Variants in MBNL1 observed in about 807,000 individuals in gnomAD.
MBNL1 encodes muscleblind-like protein 1.
In MBNL1, 8 loss-of-function variants were observed where a neutral mutation model predicts 42.2. The ratio of observed to expected loss-of-function variants is 0.19; its 90% CI spans 0.11 to 0.34. The LOEUF is 0.34. Ranked by LOEUF, MBNL1 falls within the 10% of genes least tolerant of loss-of-function variation. The pLI is 1.00. For synonymous variants in MBNL1, 169 were observed against 173.9 expected, an observed-to-expected ratio of 0.97 and a Z score of 0.22; for missense variants, 309 against 495.3, an observed-to-expected ratio of 0.62 and a Z score of 3.57.
chr3:152,248,575 A>G, intron 2 of MBNL1, among the ~76,000 whole-genome samples: 1 of 151,914 alleles, frequency 6.6e-6, no homozygotes, highest in East Asian at 1.9e-4. Context: ...GAATTTTCCA[A>G]GAATAGAGAT....
At chr3:152,460,754 T>A (rs1304359345) in intron 9 of MBNL1, among the ~76,000 whole-genome samples, 2 of 152,222 alleles carry the variant, frequency 1.3e-5, no homozygotes, top group Non-Finnish European at 2.9e-5. Flanking sequence ...TTTTTATATT[T>A]AGAAAGAGAC....
intron 2 of MBNL1, among the ~76,000 whole-genome samples, chr3:152,259,528 T>C (rs2035927328): frequency 6.6e-6 from 1 of 152,270 alleles, no homozygotes; most frequent in Non-Finnish European, 1.5e-5. Context: ...CGACATGCTG[T>C]ACTTCTTGAA....
At chr3:152,426,523 A>T (rs1233713929) in intron 3 of MBNL1, among the ~76,000 whole-genome samples, 1 of 152,186 alleles carries the variant, frequency 6.6e-6, no homozygotes, top group Non-Finnish European at 1.5e-5. Flanking sequence ...CCTCTGGTAG[A>T]TTTCTTTAGT....
intron 1 of MBNL1, among the ~76,000 whole-genome samples, chr3:152,284,155 T>C (rs1033569135): frequency 3.3e-5 from 5 of 152,162 alleles, no homozygotes; most frequent in Admixed American, 6.5e-5. Flanking sequence ...TTAATGAATA[T>C]ATTCATTTAA....
chr3:152,428,663 G>A (rs1425720252), intron 3 of MBNL1, among the ~76,000 whole-genome samples: 1 of 152,210 alleles, frequency 6.6e-6, no homozygotes, highest in African/African-American at 2.4e-5. Context: ...CACATAGTGT[G>A]TGGAACTAGA....
At chr3:152,310,711 T>A (rs2065866140) in intron 2 of MBNL1, among the ~76,000 whole-genome samples, 1 of 152,162 alleles carries the variant, frequency 6.6e-6, no homozygotes, top group Admixed American at 6.5e-5. Flanking sequence ...TATATTAAAA[T>A]TTTAACTAAT....
intron 2 of MBNL1, among the ~76,000 whole-genome samples, chr3:152,258,179 A>C (rs1401298903): frequency 6.6e-6 from 1 of 152,160 alleles, no homozygotes; most frequent in Non-Finnish European, 1.5e-5. Context: ...GCTTAACAAG[A>C]GCTTATTTTT....
At chr3:152,340,564 A>G (rs778163219) in intron 2 of MBNL1, 18 of 1,613,290 alleles carry the variant, frequency 1.1e-5, no homozygotes, top group Non-Finnish European at 1.4e-5. Flanking sequence ...CATAGCTACA[A>G]CTGACAGGAT....
chr3:152,458,922 GGAT>G (rs1739346620), intron 8 of MBNL1: 1 of 175,192 alleles, frequency 5.7e-6, no homozygotes, highest in African/African-American at 2.4e-5. Context: ...TCTGATTTCT[GGAT>G]GATTACTAAG....
intron 2 of MBNL1, among the ~76,000 whole-genome samples, chr3:152,308,069 A>G (rs188402503): frequency 1.3e-5 from 2 of 152,326 alleles, no homozygotes; most frequent in Admixed American, 1.3e-4. Flanking sequence ...AGCCATATTC[A>G]AAAGGTTTAA....
chr3:152,435,750 G>A (rs1231704552), intron 4 of MBNL1, among the ~76,000 whole-genome samples: 1 of 152,028 alleles, frequency 6.6e-6, no homozygotes, highest in Admixed American at 6.6e-5. Flanking sequence ...ATTTTAGAGA[G>A]CTTTCACCTC....
At chr3:152,457,768 T>C (rs1400934547) in intron 8 of MBNL1, 1 of 205,892 alleles carries the variant, frequency 4.9e-6, no homozygotes, top group Non-Finnish European at 1.0e-5. Flanking sequence ...CTCTCATGCG[T>C]CTACCATGTA....
At chr3:152,400,314 TG>T (rs1399759125) in intron 2 of MBNL1, among the ~76,000 whole-genome samples, 4 of 152,016 alleles carry the variant, frequency 2.6e-5, no homozygotes, top group Non-Finnish European at 4.4e-5. Flanking sequence ...TATAAACATT[TG>T]CTATAGCTAT....
intron 1 of MBNL1, among the ~76,000 whole-genome samples, chr3:152,273,410 A>G (rs923599160): frequency 6.6e-6 from 1 of 152,216 alleles, no homozygotes; most frequent in African/African-American, 2.4e-5. Context: ...ACATATTACC[A>G]GTTTTTTTCA....
At chr3:152,275,169 TAGAA>T (rs1230295380) in intron 1 of MBNL1, among the ~76,000 whole-genome samples, 3 of 152,164 alleles carry the variant, frequency 2.0e-5, no homozygotes, top group African/African-American at 7.2e-5. Flanking sequence ...ACTCTTCTAG[TAGAA>T]AGAAAGCAGG....
chr3:152,448,433 AAC>A (rs1429071563), intron 6 of MBNL1, among the ~76,000 whole-genome samples: 1 of 152,176 alleles, frequency 6.6e-6, no homozygotes, highest in Non-Finnish European at 1.5e-5. Context: ...CAAAGTTTAA[AAC>A]ACAGACTAGC....
chr3:152,394,215 C>T (rs2153495338), intron 2 of MBNL1, among the ~76,000 whole-genome samples: 1 of 152,272 alleles, frequency 6.6e-6, no homozygotes, highest in South Asian at 2.1e-4. Flanking sequence ...GCAAAATAGT[C>T]ATAGTCAATT....
intron 2 of MBNL1, chr3:152,262,916 C>G (rs1215714957): frequency 1.3e-5 from 2 of 151,992 alleles, no homozygotes; most frequent in Non-Finnish European, 2.9e-5. Flanking sequence ...ATTGAAAGAC[C>G]ACGATTGCAT....
chr3:152,307,739 C>T (rs191763350), intron 2 of MBNL1, among the ~76,000 whole-genome samples: 1 of 152,258 alleles, frequency 6.6e-6, no homozygotes, highest in East Asian at 1.9e-4. Context: ...AACATTGCTT[C>T]TTAATTTCCA....
Sources: gnomAD v4.1 joint callset for allele counts (sites outside exome capture counted in the v4.1 genomes callset) on GRCh38, gnomAD v4.1.1 for gene constraint, MANE v1.5 for transcripts, NCBI Gene and HGNC (gene_info 2026-07-23, HGNC 2026-07-21) for gene names.